Variants in LRIG1 observed in about 807,000 individuals in gnomAD.
The protein encoded by LRIG1 is leucine rich repeats and immunoglobulin like domains 1, also known as leucine-rich repeats and immunoglobulin-like domains protein 1.
Under a neutral mutation model 99.2 loss-of-function variants are expected in LRIG1, and 48 were observed. That is an observed-to-expected ratio of 0.48 (90% CI 0.38 to 0.62). The LOEUF is 0.62. LRIG1 is among the 20% of genes least tolerant of loss of function. LRIG1 has a pLI of 0.00. For missense variants in LRIG1, 1,646 were observed against 1,434.4 expected (o/e 1.15, Z -2.38); for synonymous variants, 772 against 596.1 (o/e 1.29, Z -4.30).
intron 3 of LRIG1, among the ~76,000 whole-genome samples, chr3:66,424,527 G>A (rs891100349): frequency 6.6e-6 from 1 of 152,146 alleles, no homozygotes; most frequent in Non-Finnish European, 1.5e-5. Flanking sequence ...AACCCAAGTG[G>A]TCATCATTTT....
At chr3:66,440,475 A>G (rs1703505057) in intron 3 of LRIG1, among the ~76,000 whole-genome samples, 1 of 152,180 alleles carries the variant, frequency 6.6e-6, no homozygotes, top group Non-Finnish European at 1.5e-5. Flanking sequence ...TACATATACG[A>G]GGGTTTTCTG....
At chr3:66,475,277 T>A (rs953991184) in intron 1 of LRIG1, among the ~76,000 whole-genome samples, 3 of 152,182 alleles carry the variant, frequency 2.0e-5, no homozygotes, top group Non-Finnish European at 4.4e-5. Context: ...ATAAACATGC[T>A]ATCATTGGTA....
intron 3 of LRIG1, among the ~76,000 whole-genome samples, chr3:66,431,964 G>A (rs1703186354): frequency 6.6e-6 from 1 of 152,206 alleles, no homozygotes; most frequent in South Asian, 2.1e-4. Flanking sequence ...ACAGTACGAT[G>A]ATAATGGAAT....
chr3:66,405,773 C>A, intron 8 of LRIG1: 1 of 1,180,568 alleles, frequency 8.5e-7, no homozygotes, highest in South Asian at 1.6e-5. Context: ...GTCTGGAGCC[C>A]GGAGCCCATC....
chr3:66,464,353 G>GTA (rs1483234162), intron 1 of LRIG1, among the ~76,000 whole-genome samples: 3 of 152,290 alleles, frequency 2.0e-5, no homozygotes, highest in East Asian at 3.9e-4. Context: ...TGCCCTGTGT[G>GTA]TAACAAGGCT....
In LRIG1 at chr3:66,407,623, G is replaced by GGA. The variant is rs142192811; in HGVS notation, c.936-133_936-132insTC. On this transcript the variant is annotated intron_variant, in intron 7 of 18. Transcript: ENST00000273261. ...CAGATGCACACGCACGCGCGTGCGT[G>GGA]CACACACACACCCACACCCACAGAA... is the stretch of plus-strand genomic sequence containing the variant. 5.1e-4 allele frequency: 438 copies of GGA among 852,330 alleles called. 6 individuals are homozygous for GGA. Among genetic ancestry groups the GGA allele is most frequent in the Non-Finnish European group, 7.4e-4 (400 of 542,130 alleles). 52.8% of individuals were successfully genotyped at this position (852,330 alleles called of 1,614,324 possible). A position where few individuals can be genotyped will look rare whatever the true frequency, so the allele number is the denominator to read the frequency against.
intron 1 of LRIG1, among the ~76,000 whole-genome samples, chr3:66,489,945 T>C (rs1368783848): frequency 6.6e-6 from 1 of 152,204 alleles, no homozygotes; most frequent in Non-Finnish European, 1.5e-5. Flanking sequence ...GTCTCCTTTC[T>C]GTCCAGAAAG....
intron 1 of LRIG1, among the ~76,000 whole-genome samples, chr3:66,462,742 A>G (rs1700383284): frequency 6.6e-6 from 1 of 152,188 alleles, no homozygotes; most frequent in Non-Finnish European, 1.5e-5. Context: ...AATTTCTATC[A>G]GTATCATTTC....
intron 3 of LRIG1, among the ~76,000 whole-genome samples, chr3:66,429,253 T>C (rs1575684172): frequency 6.6e-6 from 1 of 152,144 alleles, no homozygotes; most frequent in South Asian, 2.1e-4. Context: ...CTTACACCCA[T>C]TGAACTGAAA....
rs761185755 is a variant in LRIG1 at position 66,382,262 on chromosome 3, T to TG, written c.2617+10dup. 4 of 1,614,040 alleles carry TG rather than the reference T, an allele frequency of 2.5e-6. No individual in the cohort carries two copies. In the South Asian group the frequency reaches 3.3e-5, roughly 13 times the overall value. ...CAGCAGAGCTCTGCTTCACAGTTACTGAGGCCTTACCATTGCTCTCAATGT... is the reference window on the plus strand; with the variant it reads ...CAGCAGAGCTCTGCTTCACAGTTACTGGAGGCCTTACCATTGCTCTCAATGT... On this transcript the variant is annotated intron_variant, in intron 16 of 18. Coordinates refer to ENST00000273261, the MANE Select transcript of LRIG1 (RefSeq NM_015541.3).
chr3:66,414,643 A>C (rs945540538), intron 5 of LRIG1, among the ~76,000 whole-genome samples: 1 of 152,212 alleles, frequency 6.6e-6, no homozygotes, highest in Non-Finnish European at 1.5e-5. Flanking sequence ...AGCATTAGCC[A>C]GCATCAGCTA....
intron 3 of LRIG1, among the ~76,000 whole-genome samples, chr3:66,417,953 A>T (rs1702665800): frequency 6.6e-6 from 1 of 152,308 alleles, no homozygotes; most frequent in South Asian, 2.1e-4. Context: ...AGATGGGGCC[A>T]CAACCCATCA....
chr3:66,426,600 T>C (rs897803399), intron 3 of LRIG1, among the ~76,000 whole-genome samples: 2 of 152,238 alleles, frequency 1.3e-5, no homozygotes, highest in African/African-American at 2.4e-5. Context: ...CAGTCTTTTC[T>C]GCCAATGTCT....
At chr3:66,452,245 A>T (rs148992584) in intron 2 of LRIG1, among the ~76,000 whole-genome samples, 2 of 152,288 alleles carry the variant, frequency 1.3e-5, no homozygotes, top group East Asian at 3.9e-4. Context: ...GCGCATAGAC[A>T]CTTTGAAAAT....
chr3:66,477,006 A>C (rs7629545), intron 1 of LRIG1, among the ~76,000 whole-genome samples: 180 of 152,342 alleles, frequency 1.2e-3, no homozygotes, highest in African/African-American at 4.2e-3. Flanking sequence ...TCTCTGCTTT[A>C]AATACGTCTG....
chr3:66,410,211 G>A lies in LRIG1; in HGVS notation c.853C>T (p.Leu285=). 1 of 1,614,142 alleles carries A rather than the reference G, an allele frequency of 6.2e-7. No individual in the cohort carries two copies. ...NSGSLYGLTA[L]HQLHLSNNSI... ...TTGTTGCTGAGGTGGAGCTGATGCA[G>A]GGCCGTGAGGCCGTAGAGCGAGCCG... The change falls in exon 7 of 19, where the codon CTG becomes TTG. Residue 285 remains leucine (L), a synonymous_variant. Transcript: ENST00000273261.
At chr3:66,483,996 G>A (rs1162905112) in intron 1 of LRIG1, among the ~76,000 whole-genome samples, 1 of 152,254 alleles carries the variant, frequency 6.6e-6, no homozygotes, top group Non-Finnish European at 1.5e-5. Flanking sequence ...AATTCAGAGA[G>A]ACCAAAAAGA....
chr3:66,483,275 G>A (rs889746423), intron 1 of LRIG1, among the ~76,000 whole-genome samples: 1 of 152,300 alleles, frequency 6.6e-6, no homozygotes, highest in Non-Finnish European at 1.5e-5. Flanking sequence ...AGCTGGGTTC[G>A]CAGTGCTCTC....
At chr3:66,420,914 TG>T (rs1466419946) in intron 3 of LRIG1, among the ~76,000 whole-genome samples, 1 of 152,156 alleles carries the variant, frequency 6.6e-6, no homozygotes, top group Non-Finnish European at 1.5e-5. Context: ...TCCACGTGGC[TG>T]GGGAGGCCTC....
Sources: gnomAD v4.1 joint callset for allele counts (sites outside exome capture counted in the v4.1 genomes callset) on GRCh38, gnomAD v4.1.1 for gene constraint, MANE v1.5 for transcripts, NCBI Gene and HGNC (gene_info 2026-07-23, HGNC 2026-07-21) for gene names.